RNFT2: variants seen among roughly 807,000 people sequenced by gnomAD.
RNFT2 encodes the protein E3 ubiquitin-protein ligase RNFT2.
Under a neutral mutation model 53.0 loss-of-function variants are expected in RNFT2, and 36 were observed. The ratio of observed to expected loss-of-function variants is 0.68; its 90% CI spans 0.52 to 0.90. The LOEUF (loss-of-function observed/expected upper bound fraction) is 0.90. Ranked by LOEUF, RNFT2 falls within the 40% of genes least tolerant of loss-of-function variation. The pLI, the probability that RNFT2 is intolerant of heterozygous loss-of-function variation, is 0.00. For missense variants in RNFT2, 514 were observed against 585.6 expected (o/e 0.88, Z 1.26); for synonymous variants, 260 against 253.2 (o/e 1.03, Z -0.26).
intron 10 of RNFT2, among the ~76,000 whole-genome samples, chr12:116,847,604 C>T (rs149600088): frequency 0.035 from 5,253 of 151,840 alleles, 121 homozygotes; most frequent in Middle Eastern, 0.095. Flanking sequence ...CTCAGCTCAC[C>T]GCAACCTCTG....
At position 116,849,307 on chromosome 12, in the gene RNFT2, C is replaced by T. The variant is rs73220476; in HGVS notation, c.1201-7C>T. 0.13 allele frequency: 193,633 copies of T among 1,532,318 alleles called. 13,894 individuals are homozygous for T. The highest frequency in any genetic ancestry group is 0.15 in the Non-Finnish European group (166,206 of 1,140,482). The allele number at this position is 1,532,318 out of a possible 1,614,324, so 94.9% of individuals were successfully genotyped here. A position where few individuals can be genotyped will look rare whatever the true frequency, so the allele number is the denominator to read the frequency against. Reference sequence around the variant, plus strand: ...GTCCTGGTGCCTGCTGATTGCTGTCCCCGCAGCACGTGTTCTGTGAGGAGT... The same window carrying T: ...GTCCTGGTGCCTGCTGATTGCTGTCTCCGCAGCACGTGTTCTGTGAGGAGT... On this transcript the variant is annotated splice_polypyrimidine_tract_variant and splice_region_variant and intron_variant, in intron 10 of 10. Transcript: ENST00000257575.
intron 7 of RNFT2, among the ~76,000 whole-genome samples, chr12:116,832,895 G>GTTGT: frequency 1.2e-5 from 1 of 82,800 alleles, no homozygotes; most frequent in African/African-American, 4.4e-5. Context: ...CCCAAGTCGT[G>GTTGT]TTCTTTTTTT....
intron 3 of RNFT2, among the ~76,000 whole-genome samples, chr12:116,746,905 C>T (rs1472580773): frequency 6.6e-6 from 1 of 152,024 alleles, no homozygotes; most frequent in Non-Finnish European, 1.5e-5. Flanking sequence ...GTTCCAAGAC[C>T]CCACGGATAT....
intron 10 of RNFT2, among the ~76,000 whole-genome samples, chr12:116,839,511 C>T (rs1473531636): frequency 3.3e-5 from 5 of 149,370 alleles, no homozygotes; most frequent in Non-Finnish European, 5.9e-5. Context: ...GGTGAGTGAA[C>T]GGTAGGTGGA....
intron 7 of RNFT2, among the ~76,000 whole-genome samples, chr12:116,785,285 GGTTGT>G (rs1873888650): frequency 1.9e-5 from 2 of 105,572 alleles, no homozygotes; most frequent in African/African-American, 4.2e-5. Flanking sequence ...GGCGGGGGGG[GGTTGT>G]TTGTTTGTTT....
intron 7 of RNFT2, among the ~76,000 whole-genome samples, chr12:116,829,482 T>C (rs1413023283): frequency 1.3e-5 from 2 of 152,150 alleles, no homozygotes; most frequent in Non-Finnish European, 2.9e-5. Flanking sequence ...GGTGGCGAAC[T>C]AGTCACAAAA....
At chr12:116,843,586 G>A (rs147403142) in intron 10 of RNFT2, among the ~76,000 whole-genome samples, 104 of 147,912 alleles carry the variant, frequency 7.0e-4, no homozygotes, top group Admixed American at 4.2e-3. Context: ...CAATCCACCC[G>A]ATCCTATCCT....
intron 5 of RNFT2, among the ~76,000 whole-genome samples, chr12:116,757,140 C>G (rs1315502645): frequency 6.6e-6 from 1 of 151,912 alleles, no homozygotes; most frequent in African/African-American, 2.4e-5. Flanking sequence ...CCTTGATTGG[C>G]CTTTTATATT....
chr12:116,851,352 C>T lies in RNFT2; in HGVS notation c.*1904C>T, dbSNP rs762848830. The T allele has an allele frequency of 4.3e-5, 8 of 187,276 alleles. No individual in the cohort carries two copies. Among genetic ancestry groups the T allele is most frequent in the South Asian group, 1.1e-4 (1 of 8,696 alleles). 11.6% of individuals were successfully genotyped at this position (187,276 alleles called of 1,614,324 possible). ...AGCAGCTGCAACTACAGGCACACTC[C>T]GCTATCCCCAGCAGAGCCCGCACTC... On this transcript the variant is annotated 3_prime_UTR_variant, in exon 11 of 11. Coordinates refer to ENST00000257575, the MANE Select transcript of RNFT2 (RefSeq NM_001382266.1).
At chr12:116,771,785 A>G (rs756083120) in intron 6 of RNFT2, among the ~76,000 whole-genome samples, 7 of 152,108 alleles carry the variant, frequency 4.6e-5, no homozygotes, top group Non-Finnish European at 1.0e-4. Flanking sequence ...AGGAAATTGA[A>G]TGGATTACTT....
intron 7 of RNFT2, among the ~76,000 whole-genome samples, chr12:116,832,148 A>AAAAAAATATATATAT (rs1555209702): frequency 9.1e-5 from 5 of 55,170 alleles, no homozygotes; most frequent in African/African-American, 3.5e-4. Flanking sequence ...AAAAAAAAAA[A>AAAAAAATATATATAT]ATATATATAT....
intron 6 of RNFT2, among the ~76,000 whole-genome samples, chr12:116,771,025 G>A (rs1873151735): frequency 6.6e-6 from 1 of 152,088 alleles, no homozygotes; most frequent in Non-Finnish European, 1.5e-5. Context: ...TCATTTATGA[G>A]TTCATCTGTG....
intron 5 of RNFT2, 50 bp from the exon 6 acceptor site, chr12:116,766,764 G>A: frequency 7.2e-7 from 1 of 1,397,326 alleles, no homozygotes; most frequent in Non-Finnish European, 9.9e-7. Flanking sequence ...ATTCTGGAAG[G>A]TTCTGCCACA....
At chr12:116,830,919 AAGAG>A (rs981652374) in intron 7 of RNFT2, among the ~76,000 whole-genome samples, 13 of 152,072 alleles carry the variant, frequency 8.5e-5, no homozygotes, top group Admixed American at 3.3e-4. Flanking sequence ...AAAAAAAAAA[AAGAG>A]AGAGAGAGAA....
intron 5 of RNFT2, among the ~76,000 whole-genome samples, chr12:116,761,640 A>AAG (rs1292621827): frequency 6.6e-6 from 1 of 152,178 alleles, no homozygotes; most frequent in East Asian, 1.9e-4. Flanking sequence ...GGGAAACAAA[A>AAG]TCATTTTTCT....
At chr12:116,764,720 C>T (rs988529328) in intron 5 of RNFT2, among the ~76,000 whole-genome samples, 43 of 152,076 alleles carry the variant, frequency 2.8e-4, no homozygotes, top group Non-Finnish European at 2.9e-4. Context: ...GGTGAAACCC[C>T]GTCTCTACTA....
rs1283939021 is a variant in RNFT2, at chr12:116,771,480, A to ATAT, written c.728+4566_728+4567insTAT. ...ATCGTTAAAAAAAAAAAAAAAAAAA[A>ATAT]AAAAAAAAAAAAAAATACGTATATG... On this transcript the variant is annotated intron_variant, in intron 6 of 10. Transcript: ENST00000257575. Among the ~76,000 whole-genome samples the ATAT allele has an allele frequency of 4.8e-3, 542 of 113,914 alleles. 7 individuals are homozygous for ATAT. The highest frequency in any genetic ancestry group is 7.2e-3 in the Non-Finnish European group (366 of 50,690). 74.7% of individuals were successfully genotyped at this position (113,914 alleles called of 152,430 possible). A position where few individuals can be genotyped will look rare whatever the true frequency, so the allele number is the denominator to read the frequency against.
intron 7 of RNFT2, among the ~76,000 whole-genome samples, chr12:116,792,602 G>A (rs1874302399): frequency 6.6e-6 from 1 of 152,092 alleles, no homozygotes; most frequent in Non-Finnish European, 1.5e-5. Context: ...TGAGATTAAT[G>A]TGCCAGGTCA....
At chr12:116,772,434 G>A (rs1566076758) in intron 6 of RNFT2, among the ~76,000 whole-genome samples, 1 of 152,138 alleles carries the variant, frequency 6.6e-6, no homozygotes, top group Non-Finnish European at 1.5e-5. Context: ...AGCCTCCTGA[G>A]TAGCTGGAAT....
Sources: allele counts gnomAD v4.1 joint callset (sites outside exome capture counted in the v4.1 genomes callset), GRCh38; gene constraint gnomAD v4.1.1; transcripts MANE v1.5; gene names NCBI Gene and HGNC (gene_info 2026-07-23, HGNC 2026-07-21).